Variants in ZMYND8 observed in about 807,000 individuals in gnomAD.
The protein encoded by ZMYND8 is zinc finger MYND-type containing 8, also known as MYND-type zinc finger-containing chromatin reader ZMYND8.
Under a neutral mutation model 140.8 loss-of-function variants are expected in ZMYND8, and 37 were observed. The ratio of observed to expected loss-of-function variants is 0.26; its 90% CI spans 0.20 to 0.35. The LOEUF (loss-of-function observed/expected upper bound fraction) is 0.35. Ranked by LOEUF, ZMYND8 falls within the 10% of genes least tolerant of loss-of-function variation. The pLI, the probability that ZMYND8 is intolerant of heterozygous loss-of-function variation, is 1.00. For missense variants in ZMYND8, 1,068 were observed against 1,570.0 expected, an observed-to-expected ratio of 0.68 and a Z score of 5.40; for synonymous variants, 592 against 597.1, an observed-to-expected ratio of 0.99 and a Z score of 0.12.
At chr20:47,263,682 AC>A (rs993996164) in intron 11 of ZMYND8, among the ~76,000 whole-genome samples, 5 of 152,160 alleles carry the variant, frequency 3.3e-5, no homozygotes, top group African/African-American at 1.2e-4. Context: ...CTGCTGTGTA[AC>A]CCTGGGCCAG....
intron 11 of ZMYND8, among the ~76,000 whole-genome samples, chr20:47,264,725 G>T (rs2075384938): frequency 6.6e-6 from 1 of 152,164 alleles, no homozygotes; most frequent in South Asian, 2.1e-4. Flanking sequence ...TAGAACTGAA[G>T]TGTTTGTTAC....
chr20:47,256,743 T>C (rs754378683), intron 12 of ZMYND8, among the ~76,000 whole-genome samples: 1 of 152,150 alleles, frequency 6.6e-6, no homozygotes. Context: ...AGGCACTCCA[T>C]GTATGCTCTC....
chr20:47,349,184 A>T (rs2082579391), intron 1 of ZMYND8: 1 of 152,266 alleles, frequency 6.6e-6, no homozygotes, highest in Non-Finnish European at 1.5e-5. Flanking sequence ...AGGACTTAGG[A>T]TGGGAGCTAG....
rs763624945 is a variant in ZMYND8, at chr20:47,282,253, T to C, written c.883-36A>G. 6 of 1,580,328 alleles carry C rather than the reference T, an allele frequency of 3.8e-6. No individual in the cohort carries two copies. In the African/African-American group the frequency reaches 4.1e-5, roughly 11 times the overall value. ...AAAAACAAGATCCAGAGTTTGTACA[T>C]ATTTGACAGCAAGATACTCACTAAA... On this transcript the variant is annotated intron_variant, in intron 9 of 22. Coordinates refer to ENST00000471951, the MANE Select transcript of ZMYND8 (RefSeq NM_001281775.3).
In ZMYND8 at chr20:47,276,750, A is replaced by T. The variant is rs1394560576; in HGVS notation, c.1044T>A (p.Ile348=). 1 of 1,613,844 alleles carries T rather than the reference A, an allele frequency of 6.2e-7. No homozygotes were observed. Among genetic ancestry groups the T allele is most frequent in the Non-Finnish European group, 8.5e-7 (1 of 1,179,920 alleles). ...INNCYLMSKE[I]PFSVKKTKSI... is the part of the protein sequence containing the mutation. ...TCTTAGTCTTTTTCACAGAAAAAGG[A>T]ATTTCTTTAGACATGAGGTAGCAAT... The change falls in exon 11 of 23, where the codon ATT becomes ATA. Residue 348 remains isoleucine, a synonymous_variant. Coordinates refer to ENST00000471951, the MANE Select transcript of ZMYND8 (RefSeq NM_001281775.3).
In ZMYND8 at chr20:47,347,908, T is replaced by C. The variant is rs374844913; in HGVS notation, c.33A>G (p.Ile11Met). 5.6e-6 allele frequency: 9 copies of C among 1,613,906 alleles called. No individual in the cohort carries two copies. Among genetic ancestry groups the C allele is most frequent in the Non-Finnish European group, 7.6e-6 (9 of 1,180,044 alleles). MHPQSLAEEEIKTEQEVVEGM... is the reference protein window; with the variant it reads MHPQSLAEEEMKTEQEVVEGM... ...CCTCTACCACCTCCTGTTCTGTTTT[T>C]ATTTCCTCTTCAGCCAAGCTGAAAC... The change falls in exon 2 of 23, where the codon ATA becomes ATG. Residue 11 changes from isoleucine to methionine, a missense_variant. Physicochemically the swap from Ile to Met is conservative, Grantham distance 10. This residue lies in a region of ZMYND8 where 77 missense variants were observed against 85.1 expected (regional missense o/e 0.91). Transcript: ENST00000471951.
intron 12 of ZMYND8, among the ~76,000 whole-genome samples, chr20:47,258,264 A>C (rs2074903469): frequency 6.6e-6 from 1 of 152,234 alleles, no homozygotes; most frequent in Non-Finnish European, 1.5e-5. Context: ...TTTGCAGCAG[A>C]CAGGCCTGGG....
intron 2 of ZMYND8, among the ~76,000 whole-genome samples, chr20:47,344,023 G>A (rs1157932922): frequency 7.0e-6 from 1 of 143,392 alleles, no homozygotes; most frequent in African/African-American, 2.7e-5. Context: ...GGAGTGCAGT[G>A]GCATGGTCTC....
At chr20:47,355,992 A>C (rs2083202206) in intron 1 of ZMYND8, among the ~76,000 whole-genome samples, 1 of 152,110 alleles carries the variant, frequency 6.6e-6, no homozygotes, top group Non-Finnish European at 1.5e-5. Flanking sequence ...CAAGTGCAGA[A>C]GCTCTGTAGA....
intron 3 of ZMYND8, among the ~76,000 whole-genome samples, chr20:47,303,431 G>A (rs1202002595): frequency 1.3e-5 from 2 of 152,258 alleles, no homozygotes; most frequent in African/African-American, 2.4e-5. Context: ...GAAGCTAGAA[G>A]AATCAGCTGG....
At chr20:47,272,060 G>C (rs1015798874) in intron 11 of ZMYND8, among the ~76,000 whole-genome samples, 18 of 151,704 alleles carry the variant, frequency 1.2e-4, no homozygotes, top group Admixed American at 1.1e-3. Context: ...AAAAAAAGGG[G>C]GGGGGGAGTA....
chr20:47,309,982 G>T (rs113289143), intron 3 of ZMYND8, 74 bp downstream of exon 3: 36 of 1,585,620 alleles, frequency 2.3e-5, no homozygotes, highest in African/African-American at 1.5e-4. Flanking sequence ...GCGCTTACAA[G>T]GATCCAGAGG....
At chr20:47,218,047 AC>A (rs2036376575) in intron 21 of ZMYND8, among the ~76,000 whole-genome samples, 1 of 152,194 alleles carries the variant, frequency 6.6e-6, no homozygotes, top group South Asian at 2.1e-4. Flanking sequence ...ATCTATGTCT[AC>A]TTTCACACTA....
rs79718654 is a variant in ZMYND8, at chr20:47,232,011, T to C, written c.2857-2205A>G. Among the ~76,000 whole-genome samples, 1,012 of 152,254 alleles carry C rather than the reference T, an allele frequency of 6.6e-3. 3 individuals are homozygous for C. The highest frequency in any genetic ancestry group is 0.017 in the Middle Eastern group (5 of 294). Reference sequence around the variant, plus strand: ...CAGGTCAACTCAGAGACAGGAAAAGTTCATCAGCTCCCAAAAAATGTCACT... The same window carrying C: ...CAGGTCAACTCAGAGACAGGAAAAGCTCATCAGCTCCCAAAAAATGTCACT... On this transcript the variant is annotated intron_variant, in intron 16 of 22. Transcript: ENST00000471951.
intron 2 of ZMYND8, among the ~76,000 whole-genome samples, chr20:47,334,155 C>T (rs892340526): frequency 6.6e-6 from 1 of 152,060 alleles, no homozygotes; most frequent in South Asian, 2.1e-4. Flanking sequence ...ACAGAATGGT[C>T]GTATAGATTG....
chr20:47,287,327 G>A (rs777233685), intron 7 of ZMYND8, 43 bp from the exon 8 acceptor site: 14 of 1,505,674 alleles, frequency 9.3e-6, no homozygotes, highest in East Asian at 4.5e-5. Flanking sequence ...TGGAAATACC[G>A]CAACACCGGG....
At chr20:47,319,259 C>T (rs1289911471) in intron 2 of ZMYND8, 3 of 351,060 alleles carry the variant, frequency 8.5e-6, no homozygotes, top group Middle Eastern at 4.0e-4. Context: ...AACAGCAGCT[C>T]GGCTGAGCTG....
chr20:47,258,611 C>G (rs894123679), intron 12 of ZMYND8, among the ~76,000 whole-genome samples: 1 of 152,122 alleles, frequency 6.6e-6, no homozygotes, highest in African/African-American at 2.4e-5. Context: ...TGTAATTCTG[C>G]CTTTTCTGAT....
intron 21 of ZMYND8, among the ~76,000 whole-genome samples, chr20:47,216,580 G>A (rs972637479): frequency 4.7e-5 from 7 of 150,406 alleles, no homozygotes; most frequent in South Asian, 2.1e-4. Flanking sequence ...GCCAAGGCAC[G>A]TGAAATCACC....
Sources: gnomAD v4.1 joint callset for allele counts (sites outside exome capture counted in the v4.1 genomes callset) on GRCh38, gnomAD v4.1.1 for gene constraint, gnomAD v4.1.1 regional missense constraint, MANE v1.5 for transcripts, NCBI Gene and HGNC (gene_info 2026-07-23, HGNC 2026-07-21) for gene names.